Variants in CDKN2A observed in about 807,000 individuals in gnomAD.
CDKN2A encodes the protein cyclin dependent kinase inhibitor 2A, also known as cyclin-dependent kinase inhibitor 2A.
Under a neutral mutation model 11.1 loss-of-function variants are expected in CDKN2A, and 3 were observed. The ratio of observed to expected loss-of-function variants is 0.27; its 90% confidence interval spans 0.12 to 0.70. The LOEUF (loss-of-function observed/expected upper bound fraction) is 0.70, where lower values mean the gene tolerates loss of function less well. Among genes scored for constraint, CDKN2A ranks in the 30% least tolerant of loss-of-function variants. The pLI is 0.77. For missense variants in CDKN2A, 265 were observed against 233.6 expected (o/e 1.13, Z -0.88); for synonymous variants, 122 against 108.1 (o/e 1.13, Z -0.80).
In CDKN2A at chr9:21,971,017, G is replaced by C. The variant is rs878853648; in HGVS notation, c.342C>G (p.Pro114=). ...LDVRDAWGRL[P]VDLAEELGHR... ...GGCCCAGCTCCTCAGCCAGGTCCAC[G>C]GGCAGACGGCCCCAGGCATCGCGCA... The change falls in exon 2 of 3, where the codon CCC becomes CCG. Residue 114 remains proline, a synonymous_variant. Transcript: ENST00000304494. The C allele has an allele frequency of 2.0e-5, 32 of 1,607,770 alleles. No individual in the cohort carries two copies. The highest frequency in any genetic ancestry group is 8.3e-5 in the Admixed American group (5 of 59,980).
At chr9:21,987,639 A>C (rs1053060403) in intron 2 of CDKN2A, among the ~76,000 whole-genome samples, 6 of 152,140 alleles carry the variant, frequency 3.9e-5, no homozygotes, top group Admixed American at 1.3e-4. Context: ...TCTACAAGAC[A>C]TTCTTTTCCA....
chr9:21,970,093 C>A, intron 2 of CDKN2A: 1 of 284,622 alleles, frequency 3.5e-6, no homozygotes, highest in East Asian at 5.2e-5. Context: ...AAATGTTCCT[C>A]CCCCCAGAAA....
Position 21,968,862 on chromosome 9 carries a change from G to C in CDKN2A, c.458-620C>G, listed in dbSNP as rs1819545868. 2 of 1,312,890 alleles carry C rather than the reference G, an allele frequency of 1.5e-6. No homozygotes were observed. The highest frequency in any genetic ancestry group is 2.0e-5 in the Admixed American group (1 of 50,630). The allele number at this position is 1,312,890 out of a possible 1,614,324, so 81.3% of individuals were successfully genotyped here. On this transcript the variant is annotated intron_variant, in intron 2 of 2. Transcript: ENST00000304494. The surrounding 1 kb of genome is among the most constrained non-coding windows in gnomAD (Gnocchi z 4.7). ...GCGTATGGGCTCCAGCTCGCCGTTCGGTTCTCCCGAGGCAGCATTTACACT... is the reference window on the plus strand; with the variant it reads ...GCGTATGGGCTCCAGCTCGCCGTTCCGTTCTCCCGAGGCAGCATTTACACT...
At chr9:21,993,892 G>A in exon 2 of CDKN2A, 1 of 574,462 alleles carries the variant, frequency 1.7e-6, no homozygotes. Context: ...TGACTTCTGA[G>A]GTGGGTTTAG....
Position 21,968,562 on chromosome 9 carries a change from A to G in CDKN2A, c.458-320T>C. The G allele has an allele frequency of 6.8e-7, 1 of 1,463,082 alleles. No individual in the cohort carries two copies. Among genetic ancestry groups the G allele is most frequent in the Non-Finnish European group, 9.0e-7 (1 of 1,114,962 alleles). 90.6% of individuals were successfully genotyped at this position (1,463,082 alleles called of 1,614,324 possible). ...AAACGAGTGTTATATAATGAGTCTCAGTGGTTGCTCACAATGCCAGGCGCG... is the reference window on the plus strand; with the variant it reads ...AAACGAGTGTTATATAATGAGTCTCGGTGGTTGCTCACAATGCCAGGCGCG... On this transcript the variant is annotated intron_variant, in intron 2 of 2. Coordinates refer to ENST00000304494, the MANE Select transcript of CDKN2A (RefSeq NM_000077.5). The surrounding 1 kb of genome is among the most constrained non-coding windows in gnomAD (Gnocchi z 4.7).
In CDKN2A at chr9:21,992,334, C is replaced by T. The variant is rs182881825; in HGVS notation, c.-4+1548G>A. ...AATTACATATCATTATAATTAACAC[C>T]GCTAGATTTTATATTATGTATATCA... On this transcript the variant is annotated intron_variant, in intron 2 of 3. Coordinates refer to the CDKN2A transcript ENST00000494262. 2,368 of 883,158 alleles carry T rather than the reference C, an allele frequency of 2.7e-3. 6 individuals carry two copies. Among genetic ancestry groups the T allele is most frequent in the Non-Finnish European group, 2.8e-3 (2,059 of 737,012 alleles). The allele number at this position is 883,158 out of a possible 1,614,324, so 54.7% of individuals were successfully genotyped here.
At chr9:21,972,040 A>G (rs1216218759) in intron 1 of CDKN2A, among the ~76,000 whole-genome samples, 2 of 149,644 alleles carry the variant, frequency 1.3e-5, no homozygotes. Context: ...AGTAACCACC[A>G]TTCTACTCTT....
rs1317119463 is a variant in CDKN2A, at chr9:21,991,984, C to T, written c.-4+1898G>A. 2 of 983,352 alleles carry T rather than the reference C, an allele frequency of 2.0e-6. No homozygotes were observed. Among genetic ancestry groups the T allele is most frequent in the African/African-American group, 1.7e-5 (1 of 57,178 alleles). The allele number at this position is 983,352 out of a possible 1,614,324, so 60.9% of individuals were successfully genotyped here. ...ATTTAACTTCATAATAAAAATATGA[C>T]TATTTTGTAAATGCACCAAGGTAGA... On this transcript the variant is annotated intron_variant, in intron 2 of 3. Coordinates refer to the CDKN2A transcript ENST00000494262. This position sits in a 1 kb window ranked among gnomAD's most constrained non-coding sequence, Gnocchi z 5.2.
At position 21,967,932 on chromosome 9, in the gene CDKN2A, C is replaced by T. The variant is rs868115734; in HGVS notation, c.*297G>A. ...CGCAAGAAATGCCCACATGAATGTG[C>T]GCTTAGGGCGTGAGTGCTCACTCCA... On this transcript the variant is annotated 3_prime_UTR_variant, in exon 3 of 3. Coordinates refer to ENST00000304494, the MANE Select transcript of CDKN2A (RefSeq NM_000077.5). The T allele has an allele frequency of 8.8e-5, 37 of 418,998 alleles. No homozygotes were observed. The highest frequency in any genetic ancestry group is 1.6e-4 in the South Asian group (4 of 25,794). The allele number at this position is 418,998 out of a possible 1,614,324, so 26.0% of individuals were successfully genotyped here. A position where few individuals can be genotyped will look rare whatever the true frequency, so the allele number is the denominator to read the frequency against.
Position 21,970,250 on chromosome 9 carries a change from C to A in CDKN2A, c.457+652G>T, listed in dbSNP as rs2131088291. On this transcript the variant is annotated intron_variant, in intron 2 of 2. Transcript: ENST00000304494. Reference sequence around the variant, plus strand: ...CCATAATTCTACCTTCATCGCTCAGCGATCTCTTGCACAAGTTTAAGAGGG... The same window carrying A: ...CCATAATTCTACCTTCATCGCTCAGAGATCTCTTGCACAAGTTTAAGAGGG... 3 of 236,594 alleles carry A rather than the reference C, an allele frequency of 1.3e-5. No homozygotes were observed. The East Asian group carries it at 1.8e-4, about 14-fold the overall frequency. The allele number at this position is 236,594 out of a possible 1,614,324, so 14.7% of individuals were successfully genotyped here.
Position 21,991,726 on chromosome 9 carries a change from T to G in CDKN2A, c.-4+2156A>C, listed in dbSNP as rs1430384863. 1.0e-5 allele frequency: 10 copies of G among 984,028 alleles called. No individual in the cohort carries two copies. In the East Asian group the frequency reaches 1.0e-3, roughly 100 times the overall value. 61.0% of individuals were successfully genotyped at this position (984,028 alleles called of 1,614,324 possible). On this transcript the variant is annotated intron_variant, in intron 2 of 3. Coordinates refer to the CDKN2A transcript ENST00000494262. This position sits in a 1 kb window ranked among gnomAD's most constrained non-coding sequence, Gnocchi z 5.2. Reference sequence around the variant, plus strand: ...GTAATAGGCTATGTTGTTGCTACCTTAGGATCATAATGGACTTTCTAAAAT... The same window carrying G: ...GTAATAGGCTATGTTGTTGCTACCTGAGGATCATAATGGACTTTCTAAAAT...
rs2131110212 is a variant in CDKN2A, at chr9:21,974,546, T to C, written c.150+132A>G. On this transcript the variant is annotated intron_variant, in intron 1 of 2. Coordinates refer to ENST00000304494, the MANE Select transcript of CDKN2A (RefSeq NM_000077.5). The surrounding 1 kb of genome is among the most constrained non-coding windows in gnomAD (Gnocchi z 5.2). ...GAGGAGGTCTGTGATTACAAACCCC[T>C]TCTGAAAACTCCCCAGGAAGCCTCC... The C allele has an allele frequency of 1.2e-6, 2 of 1,613,312 alleles. No individual in the cohort carries two copies. Among genetic ancestry groups the C allele is most frequent in the African/African-American group, 2.7e-5 (2 of 75,054 alleles).
rs527298444 is a variant in CDKN2A, at chr9:21,984,329, A to G, written c.-4+9553T>C. 7.8e-4 allele frequency among the ~76,000 whole-genome samples: 119 copies of G among 152,128 alleles called. 1 individual carries two copies. The highest frequency in any genetic ancestry group is 6.0e-3 in the South Asian group (29 of 4,830). Reference sequence around the variant, plus strand: ...TAAATCATGAGAAGTGACACTGGAGAGTGTCACTGTGTTCAGTGTTTCCTC... The same window carrying G: ...TAAATCATGAGAAGTGACACTGGAGGGTGTCACTGTGTTCAGTGTTTCCTC... On this transcript the variant is annotated intron_variant, in intron 2 of 3. Transcript: ENST00000494262.
At chr9:21,987,735 T>C (rs1820336372) in intron 2 of CDKN2A, among the ~76,000 whole-genome samples, 1 of 152,144 alleles carries the variant, frequency 6.6e-6, no homozygotes, top group African/African-American at 2.4e-5. Context: ...CTCTCCTCCC[T>C]GGGATCCAGT....
At chr9:21,983,016 A>G (rs1820229250) in intron 2 of CDKN2A, among the ~76,000 whole-genome samples, 1 of 152,134 alleles carries the variant, frequency 6.6e-6, no homozygotes, top group Admixed American at 6.5e-5. Flanking sequence ...TGGACAACTC[A>G]TCAATGCTTC....
chr9:21,993,980 C>T, exon 2 of CDKN2A: 1 of 786,596 alleles, frequency 1.3e-6, no homozygotes, highest in South Asian at 1.5e-5. Flanking sequence ...CTGCGAGAAC[C>T]ACATGTCTAA....
Position 21,988,857 on chromosome 9 carries a change from A to C in CDKN2A, c.-4+5025T>G, listed in dbSNP as rs1296186768. Among the ~76,000 whole-genome samples the C allele has an allele frequency of 6.6e-6, 1 of 152,222 alleles. No individual in the cohort carries two copies. The highest frequency in any genetic ancestry group is 1.5e-5 in the Non-Finnish European group (1 of 68,044). ...CTACAAATATTAGTTAAATAGTCCAAGATTCAGTGGGTTCAGAGACTCTAA... is the reference window on the plus strand; with the variant it reads ...CTACAAATATTAGTTAAATAGTCCACGATTCAGTGGGTTCAGAGACTCTAA... On this transcript the variant is annotated intron_variant, in intron 2 of 3. Transcript: ENST00000494262. The surrounding 1 kb of genome is among the most constrained non-coding windows in gnomAD (Gnocchi z 4.1).
intron 2 of CDKN2A, 58 bp downstream of exon 2, chr9:21,970,844 G>T (rs1386952437): frequency 1.3e-6 from 2 of 1,590,922 alleles, no homozygotes; most frequent in South Asian, 2.2e-5. Flanking sequence ...GCTGGAAAAT[G>T]AATGCTCTGA....
At chr9:21,970,589 C>T (rs1563888224) in intron 2 of CDKN2A, 1 of 584,898 alleles carries the variant, frequency 1.7e-6, no homozygotes, top group Non-Finnish European at 3.0e-6. Context: ...GACCTCTAGC[C>T]TCTTGAGTCT....
Sources: gnomAD v4.1 joint callset for allele counts (sites outside exome capture counted in the v4.1 genomes callset) on GRCh38, gnomAD v4.1.1 for gene constraint, Gnocchi (gnomAD v3.1) non-coding constraint, MANE v1.5 for transcripts, NCBI Gene and HGNC (gene_info 2026-07-23, HGNC 2026-07-21) for gene names.